ROBO2: variants seen among roughly 807,000 people sequenced by gnomAD.
ROBO2 encodes the protein roundabout guidance receptor 2, also known as roundabout homolog 2.
ROBO2 carries 53 observed loss-of-function variants against 160.8 expected under a neutral mutation model. The observed-to-expected ratio is 0.33, with a 90% CI of 0.26 to 0.41. ROBO2 has a LOEUF of 0.41. Among genes scored for constraint, ROBO2 ranks in the 10% least tolerant of loss-of-function variants. The pLI is 1.00. For synonymous variants in ROBO2, 664 were observed against 611.7 expected, an observed-to-expected ratio of 1.09 and a Z score of -1.26; for missense variants, 1,577 against 1,722.4, an observed-to-expected ratio of 0.92 and a Z score of 1.49.
At chr3:77,384,175 A>G (rs78248788) in intron 2 of ROBO2, among the ~76,000 whole-genome samples, 6,272 of 152,254 alleles carry the variant, frequency 0.041, 449 homozygotes, top group African/African-American at 0.14. Flanking sequence ...ACTAGTGCTC[A>G]ATTATTTCCC....
intron 7 of ROBO2, among the ~76,000 whole-genome samples, chr3:77,548,793 A>T (rs1284070149): frequency 1.3e-5 from 2 of 150,636 alleles, no homozygotes; most frequent in Non-Finnish European, 2.9e-5. Flanking sequence ...GTGGTGGGAG[A>T]GAAAGAGAGA....
intron 6 of ROBO2, among the ~76,000 whole-genome samples, chr3:77,526,271 C>T (rs1184628638): frequency 2.0e-5 from 3 of 151,406 alleles, no homozygotes; most frequent in South Asian, 2.1e-4. Flanking sequence ...GCTAGTATTA[C>T]GATGTATCTG....
intron 2 of ROBO2, among the ~76,000 whole-genome samples, chr3:76,848,652 A>T (rs993428205): frequency 1.3e-5 from 2 of 152,178 alleles, no homozygotes; most frequent in Non-Finnish European, 2.9e-5. Flanking sequence ...GTGTCTTGTG[A>T]GGACCCACGT....
intron 2 of ROBO2, among the ~76,000 whole-genome samples, chr3:76,587,621 T>C (rs189972959): frequency 8.7e-4 from 133 of 152,286 alleles, no homozygotes; most frequent in Admixed American, 2.0e-3. Context: ...TATCTCCACC[T>C]GGTCCCTCCC....
intron 2 of ROBO2, among the ~76,000 whole-genome samples, chr3:76,827,048 A>C (rs753176087): frequency 6.6e-6 from 1 of 152,208 alleles, no homozygotes; most frequent in Non-Finnish European, 1.5e-5. Flanking sequence ...CTTGTCGCAC[A>C]TGACAATATA....
intron 2 of ROBO2, among the ~76,000 whole-genome samples, chr3:76,504,659 G>A (rs1193227899): frequency 6.7e-6 from 1 of 149,938 alleles, no homozygotes; most frequent in Non-Finnish European, 1.5e-5. Context: ...CTCCCGAGTA[G>A]CTGGGACTAC....
At chr3:75,989,431 G>A (rs1024246869) in intron 2 of ROBO2, among the ~76,000 whole-genome samples, 2 of 151,998 alleles carry the variant, frequency 1.3e-5, no homozygotes, top group East Asian at 1.9e-4. Context: ...TTCTTAAAGG[G>A]GCTCTATGTT....
intron 2 of ROBO2, among the ~76,000 whole-genome samples, chr3:76,306,769 T>C (rs1316488978): frequency 2.0e-5 from 3 of 152,244 alleles, no homozygotes; most frequent in Non-Finnish European, 4.4e-5. Context: ...AGGTTTTAAA[T>C]GTTTGTTCAA....
intron 2 of ROBO2, among the ~76,000 whole-genome samples, chr3:76,101,414 A>C (rs1414118555): frequency 6.6e-6 from 1 of 152,158 alleles, no homozygotes; most frequent in Non-Finnish European, 1.5e-5. Context: ...TTGAATTTGC[A>C]ACACTAAAAG....
intron 2 of ROBO2, among the ~76,000 whole-genome samples, chr3:75,958,496 G>T (rs1009337345): frequency 6.6e-6 from 1 of 151,648 alleles, no homozygotes; most frequent in African/African-American, 2.4e-5. Flanking sequence ...GGCACTGTAA[G>T]AAAAAATAAT....
intron 2 of ROBO2, among the ~76,000 whole-genome samples, chr3:76,153,248 G>C (rs1178615686): frequency 6.6e-6 from 1 of 152,134 alleles, no homozygotes. Context: ...GCATCCCAGA[G>C]AGTTTAAATA....
At chr3:76,085,330 T>C (rs1031074697) in intron 2 of ROBO2, among the ~76,000 whole-genome samples, 11 of 152,180 alleles carry the variant, frequency 7.2e-5, no homozygotes, top group African/African-American at 2.7e-4. Context: ...CAAGTTTGTG[T>C]TCTTTCGTTG....
At chr3:76,103,516 T>C (rs2069791289) in intron 2 of ROBO2, among the ~76,000 whole-genome samples, 1 of 152,174 alleles carries the variant, frequency 6.6e-6, no homozygotes, top group Admixed American at 6.5e-5. Context: ...AGATTAGAAT[T>C]ATTCTTCGTA....
chr3:77,424,765 C>T (rs761723577), intron 2 of ROBO2, among the ~76,000 whole-genome samples: 4 of 151,998 alleles, frequency 2.6e-5, no homozygotes, highest in Admixed American at 2.6e-4. Context: ...CCCGTGTATG[C>T]GTGTGAAGTC....
intron 2 of ROBO2, among the ~76,000 whole-genome samples, chr3:77,106,617 G>A (rs1285318662): frequency 6.6e-6 from 1 of 152,090 alleles, no homozygotes; most frequent in Non-Finnish European, 1.5e-5. Context: ...AAAAACAATA[G>A]GTGAAGTTTT....
intron 2 of ROBO2, among the ~76,000 whole-genome samples, chr3:76,857,559 C>T (rs1022135433): frequency 3.3e-5 from 5 of 152,014 alleles, no homozygotes; most frequent in Admixed American, 1.3e-4. Flanking sequence ...CTTCACTACC[C>T]AAAACAATTT....
intron 2 of ROBO2, among the ~76,000 whole-genome samples, chr3:77,139,848 C>T (rs935389128): frequency 1.3e-5 from 2 of 152,132 alleles, no homozygotes; most frequent in African/African-American, 4.8e-5. Flanking sequence ...GGGCAAAGGT[C>T]AATCATTTTC....
intron 2 of ROBO2, among the ~76,000 whole-genome samples, chr3:76,080,771 G>A (rs1023020239): frequency 6.6e-6 from 1 of 152,160 alleles, no homozygotes; most frequent in Non-Finnish European, 1.5e-5. Context: ...CCAAGGATAT[G>A]TAGTAAGATA....
At chr3:76,784,521 C>G (rs967260094) in intron 2 of ROBO2, among the ~76,000 whole-genome samples, 3 of 151,072 alleles carry the variant, frequency 2.0e-5, no homozygotes, top group African/African-American at 7.3e-5. Flanking sequence ...AGATCCATAT[C>G]TGCTATTAAG....
Sources: gnomAD v4.1 joint callset for allele counts (sites outside exome capture counted in the v4.1 genomes callset) on GRCh38, gnomAD v4.1.1 for gene constraint, MANE v1.5 for transcripts, NCBI Gene and HGNC (gene_info 2026-07-23, HGNC 2026-07-21) for gene names.